The following DENND4A variants were observed in gnomAD, a reference collection of about 807,000 sequenced individuals.
DENND4A encodes the protein C-myc promoter-binding protein.
DENND4A carries 70 observed loss-of-function variants against 199.3 expected under a neutral mutation model. The ratio of observed to expected loss-of-function variants is 0.35; its 90% CI spans 0.29 to 0.43. DENND4A has a LOEUF of 0.43. Among genes scored for constraint, DENND4A ranks in the 20% least tolerant of loss-of-function variants. The probability of loss-of-function intolerance (pLI) is 1.00; values close to 1 mark genes in which losing one functional copy is unlikely to be tolerated. For synonymous variants in DENND4A, 686 were observed against 766.9 expected (o/e 0.89, Z 1.74); for missense variants, 1,723 against 2,255.8 (o/e 0.76, Z 4.78).
intron 32 of DENND4A, among the ~76,000 whole-genome samples, chr15:65,663,078 T>TTC (rs1213816937): frequency 6.6e-6 from 1 of 152,010 alleles, no homozygotes; most frequent in East Asian, 1.9e-4. Context: ...TTTGGTTAAG[T>TTC]TCTGGCATCT....
chr15:65,721,612 GAA>G (rs1410633140), intron 12 of DENND4A, among the ~76,000 whole-genome samples: 2 of 132,014 alleles, frequency 1.5e-5, no homozygotes, highest in African/African-American at 5.6e-5. Flanking sequence ...AAAAAAAAAA[GAA>G]AGAGAAAGAC....
At chr15:65,787,769 C>T (rs1374716156) in intron 1 of DENND4A, among the ~76,000 whole-genome samples, 1 of 152,204 alleles carries the variant, frequency 6.6e-6, no homozygotes, top group African/African-American at 2.4e-5. Flanking sequence ...ACAATATGTA[C>T]TGATGGTCCA....
intron 14 of DENND4A, 37 bp from the exon 15 acceptor site, chr15:65,706,261 C>T: frequency 1.4e-6 from 2 of 1,444,094 alleles, no homozygotes; most frequent in Non-Finnish European, 1.8e-6. Context: ...AAAAAAGCCA[C>T]ATTGGTTAGC....
At chr15:65,751,572 T>C (rs1255236208) in intron 4 of DENND4A, among the ~76,000 whole-genome samples, 1 of 152,116 alleles carries the variant, frequency 6.6e-6, no homozygotes, top group Non-Finnish European at 1.5e-5. Context: ...GACTGAACCA[T>C]GAGGCACTCC....
chr15:65,780,837 TCA>T (rs1420129200), intron 1 of DENND4A, among the ~76,000 whole-genome samples: 1 of 152,126 alleles, frequency 6.6e-6, no homozygotes, highest in Non-Finnish European at 1.5e-5. Context: ...AACAGCAAAG[TCA>T]CGTTTCAATC....
At chr15:65,747,034 A>G (rs2076420584) in intron 4 of DENND4A, among the ~76,000 whole-genome samples, 1 of 151,224 alleles carries the variant, frequency 6.6e-6, no homozygotes, top group Non-Finnish European at 1.5e-5. Context: ...TGAACCCAGG[A>G]GGTGGAGGTT....
chr15:65,769,559 AC>A (rs1177462184), intron 1 of DENND4A, among the ~76,000 whole-genome samples: 2 of 152,184 alleles, frequency 1.3e-5, no homozygotes, highest in Non-Finnish European at 2.9e-5. Flanking sequence ...AAAATAAGGG[AC>A]CAAAAAAAGT....
Position 65,731,663 on chromosome 15 carries a change from A to G in DENND4A, c.1145T>C (p.Val382Ala). ...TTGCCTTAGTGGAAGAGGTGAAGAC[A>G]CAGGCTGACTGAGAATCAGATTATC... ...PHDNLILSQP[V>A]SSPLPLSGGK... Residue 382 changes from valine to alanine, a missense_variant, in exon 9 of 33, where the codon GTG (valine) becomes GCG (alanine). Around this residue, in one of 6 missense-constraint regions of DENND4A, gnomAD observed 725 missense variants for 952.9 expected, o/e 0.76. Coordinates refer to ENST00000443035, the MANE Select transcript of DENND4A (RefSeq NM_001320835.1). 1.3e-6 allele frequency: 2 copies of G among 1,561,182 alleles called. No individual in the cohort carries two copies. Among genetic ancestry groups the G allele is most frequent in the East Asian group, 2.4e-5 (1 of 42,224 alleles).
At chr15:65,706,447 AAC>A (rs77421887) in intron 14 of DENND4A, among the ~76,000 whole-genome samples, 9,750 of 130,130 alleles carry the variant, frequency 0.075, 385 homozygotes, top group Middle Eastern at 0.12. Flanking sequence ...AGGGGAAAAT[AAC>A]ACACACACAC....
Position 65,665,418 on chromosome 15 carries a change from T to A in DENND4A, c.5286A>T (p.Ile1762=). The change falls in exon 30 of 33, where the codon ATA becomes ATT. Residue 1762 remains isoleucine (I), a synonymous_variant. Transcript: ENST00000443035. ...CMSEDSKYVL[I]QMLWDNMKLH... is the part of the protein sequence containing the mutation. ...ACTTCATATTGTCCCATAACATTTGTATTAAAACATATTTGCTATCTTCAG... is the reference window on the plus strand; with the variant it reads ...ACTTCATATTGTCCCATAACATTTGAATTAAAACATATTTGCTATCTTCAG... The A allele has an allele frequency of 6.2e-7, 1 of 1,613,578 alleles. No individual in the cohort carries two copies. Among genetic ancestry groups the A allele is most frequent in the East Asian group, 2.2e-5 (1 of 44,842 alleles).
chr15:65,691,696 T>C (rs1195593742), intron 22 of DENND4A, among the ~76,000 whole-genome samples, 185 bp from the exon 23 acceptor site: 1 of 152,102 alleles, frequency 6.6e-6, no homozygotes, highest in East Asian at 1.9e-4. Context: ...AACATCCTTA[T>C]GGGTTGAGAA....
At chr15:65,780,210 G>A (rs2077402370) in intron 1 of DENND4A, among the ~76,000 whole-genome samples, 1 of 152,084 alleles carries the variant, frequency 6.6e-6, no homozygotes. Flanking sequence ...CCCATTCTGT[G>A]CTCTTGTTCA....
chr15:65,660,647 A>G lies in DENND4A; in HGVS notation c.*1204T>C, dbSNP rs1014673960. 1 of 195,130 alleles carries G rather than the reference A, an allele frequency of 5.1e-6. No homozygotes were observed. Among genetic ancestry groups the G allele is most frequent in the Non-Finnish European group, 1.0e-5 (1 of 96,648 alleles). The allele number at this position is 195,130 out of a possible 1,614,324, so 12.1% of individuals were successfully genotyped here. A position where few individuals can be genotyped will look rare whatever the true frequency, so the allele number is the denominator to read the frequency against. On this transcript the variant is annotated 3_prime_UTR_variant, in exon 33 of 33. Transcript: ENST00000443035. The stretch of plus-strand genomic sequence containing the variant: ...AAGCTATTTAATACTCATGATGTCT[A>G]AACTTTCAATTTATTGTCTGATTTC...
intron 29 of DENND4A, among the ~76,000 whole-genome samples, chr15:65,666,691 G>A (rs2076047885): frequency 6.7e-6 from 1 of 149,998 alleles, no homozygotes. Context: ...AGACAGGAGG[G>A]TCACTTGAGC....
At chr15:65,683,989 T>A (rs1470494830) in intron 23 of DENND4A, among the ~76,000 whole-genome samples, 1 of 152,256 alleles carries the variant, frequency 6.6e-6, no homozygotes, top group African/African-American at 2.4e-5. Context: ...TTTGGTCTTT[T>A]AAAATCTGGC....
intron 8 of DENND4A, 93 bp downstream of exon 8, chr15:65,732,659 T>G: frequency 1.3e-6 from 1 of 765,608 alleles, no homozygotes; most frequent in Non-Finnish European, 2.1e-6. Context: ...CATTAGGTTT[T>G]TTTCCTCATT....
At chr15:65,666,593 G>A (rs149180221) in intron 29 of DENND4A, among the ~76,000 whole-genome samples, 12 of 152,118 alleles carry the variant, frequency 7.9e-5, no homozygotes, top group African/African-American at 2.9e-4. Context: ...GAATAAGGAG[G>A]GACTGCTGTA....
In DENND4A at chr15:65,706,205, C is replaced by T. The variant is rs566186467; in HGVS notation, c.1973G>A (p.Gly658Asp). 1 of 1,576,984 alleles carries T rather than the reference C, an allele frequency of 6.3e-7. No individual in the cohort carries two copies. The highest frequency in any genetic ancestry group is 2.3e-5 in the East Asian group (1 of 43,504). ...CVDKVDMDKSGEVRLIELDES... is the reference protein window; with the variant it reads ...CVDKVDMDKSDEVRLIELDES... ...ATCCAGTTCTATAAGTCGTACTTCA[C>T]CGCTCTTGTCCATATCCACCTAAAG... is the stretch of plus-strand genomic sequence containing the variant. Residue 658 changes from glycine (G) to aspartate (D), a missense_variant, in exon 15 of 33, where the codon GGT becomes GAT. Transcript: ENST00000443035.
At chr15:65,689,122 C>T (rs1353951415) in intron 23 of DENND4A, among the ~76,000 whole-genome samples, 1 of 152,170 alleles carries the variant, frequency 6.6e-6, no homozygotes, top group African/African-American at 2.4e-5. Context: ...CTCTCTGGCT[C>T]AAGATTTTTG....
Sources: gnomAD v4.1 joint callset for allele counts (sites outside exome capture counted in the v4.1 genomes callset) on GRCh38, gnomAD v4.1.1 for gene constraint, gnomAD v4.1.1 regional missense constraint, MANE v1.5 for transcripts, NCBI Gene and HGNC (gene_info 2026-07-23, HGNC 2026-07-21) for gene names.